The following DPY19L1 variants were observed in gnomAD, a reference collection of about 807,000 sequenced individuals.
DPY19L1 encodes the protein dpy-19 like C-mannosyltransferase 1.
DPY19L1 carries 35 observed loss-of-function variants against 96.9 expected under a neutral mutation model. The ratio of observed to expected loss-of-function variants is 0.36; its 90% confidence interval spans 0.28 to 0.48. DPY19L1 has a LOEUF of 0.48. Ranked by LOEUF, DPY19L1 falls within the 20% of genes least tolerant of loss-of-function variation. The pLI, the probability that DPY19L1 is intolerant of heterozygous loss-of-function variation, is 0.99. For synonymous variants in DPY19L1, 205 were observed against 252.6 expected (o/e 0.81, Z 1.79); for missense variants, 521 against 777.9 (o/e 0.67, Z 3.93).
rs148427603 is a variant in DPY19L1 at position 34,952,465 on chromosome 7, A to G, written c.1320+2233T>C. ...ACTGTTAAATTCTACCAAACATTTA[A>G]GGAAGAGATAATACCAATTCTACAT... On this transcript the variant is annotated intron_variant, in intron 13 of 21. Transcript: ENST00000638088. 1.2e-4 allele frequency among the ~76,000 whole-genome samples: 18 copies of G among 152,320 alleles called. No homozygotes were observed. The East Asian group carries it at 3.5e-3, about 29-fold the overall frequency.
At chr7:34,941,468 CAAA>C (rs1288856766) in intron 18 of DPY19L1, among the ~76,000 whole-genome samples, 3 of 152,060 alleles carry the variant, frequency 2.0e-5, no homozygotes, top group Non-Finnish European at 2.9e-5. Context: ...AATGTCAAAA[CAAA>C]AAAAGTTATT....
rs1478506209 is a variant in DPY19L1, at chr7:34,963,965, A to C, written c.1092+2929T>G. Among the ~76,000 whole-genome samples the C allele has an allele frequency of 2.0e-5, 3 of 152,154 alleles. No homozygotes were observed. In the East Asian group the frequency reaches 5.8e-4, roughly 29 times the overall value. ...AAGAATAAGGACTTTAATGGGTATA[A>C]AGTTTCAGTTTTGCAAGATGAAAAA... On this transcript the variant is annotated intron_variant, in intron 10 of 21. Transcript: ENST00000638088.
chr7:35,003,491 C>T (rs545230362), intron 6 of DPY19L1, among the ~76,000 whole-genome samples: 1 of 152,334 alleles, frequency 6.6e-6, no homozygotes, highest in South Asian at 2.1e-4. Context: ...CAGTTAAAGA[C>T]ACTTATATCA....
At chr7:35,025,827 G>A (rs961041262) in intron 1 of DPY19L1, among the ~76,000 whole-genome samples, 6 of 152,154 alleles carry the variant, frequency 3.9e-5, no homozygotes, top group African/African-American at 7.2e-5. Flanking sequence ...TCCTGGTTTT[G>A]AAGATACCAT....
chr7:35,024,004 T>A (rs1431806098), intron 1 of DPY19L1, among the ~76,000 whole-genome samples: 1 of 151,648 alleles, frequency 6.6e-6, no homozygotes, highest in Non-Finnish European at 1.5e-5. Context: ...CCCGGCTAAT[T>A]TTTTGTATTT....
chr7:35,004,803 A>G (rs1785514084), intron 6 of DPY19L1, among the ~76,000 whole-genome samples: 1 of 152,254 alleles, frequency 6.6e-6, no homozygotes, highest in Non-Finnish European at 1.5e-5. Flanking sequence ...AGTTCCAGTA[A>G]AAGTATTGCA....
At chr7:34,951,665 G>GAA (rs979448306) in intron 13 of DPY19L1, among the ~76,000 whole-genome samples, 26 of 151,734 alleles carry the variant, frequency 1.7e-4, no homozygotes, top group African/African-American at 6.3e-4. Context: ...ACAAAAAGAA[G>GAA]TAAGAATAAG....
At chr7:35,022,206 A>AT (rs554354185) in intron 1 of DPY19L1, among the ~76,000 whole-genome samples, 8 of 152,046 alleles carry the variant, frequency 5.3e-5, no homozygotes, top group Non-Finnish European at 1.0e-4. Context: ...CACATATGCC[A>AT]TTTTTTTTAC....
chr7:35,027,039 AC>A (rs1328209725), intron 1 of DPY19L1, among the ~76,000 whole-genome samples: 1 of 152,102 alleles, frequency 6.6e-6, no homozygotes, highest in African/African-American at 2.4e-5. Flanking sequence ...TACTAAAAAT[AC>A]AAAAAATTTA....
At chr7:34,962,446 A>C (rs1784519531) in intron 10 of DPY19L1, among the ~76,000 whole-genome samples, 3 of 152,190 alleles carry the variant, frequency 2.0e-5, no homozygotes, top group African/African-American at 7.2e-5. Context: ...GTTAGGGGGA[A>C]GGAGGGATGA....
Position 35,013,699 on chromosome 7 carries a change from ATAG to A in DPY19L1, c.415_417del (p.Leu139del). 1 of 1,593,212 alleles carries A rather than the reference ATAG, an allele frequency of 6.3e-7. No homozygotes were observed. Among genetic ancestry groups the A allele is most frequent in the Non-Finnish European group, 8.6e-7 (1 of 1,167,792 alleles). On this transcript the variant is annotated inframe_deletion, in exon 4 of 22. Coordinates refer to ENST00000638088, the MANE Select transcript of DPY19L1 (RefSeq NM_001366673.1). Reference sequence around the variant, plus strand: ...ACAATAGTCTTGAAATAGGAATAATATAGTCCCTGAAATAAAGATATGCTCAAT... The same window carrying A: ...ACAATAGTCTTGAAATAGGAATAATATCCCTGAAATAAAGATATGCTCAAT...
In DPY19L1 at chr7:34,993,440, A is replaced by AT. The variant is rs5883486; in HGVS notation, c.765-3500dup. Among the ~76,000 whole-genome samples the AT allele has an allele frequency of 3.6e-4, 54 of 150,496 alleles. 1 individual carries two copies. The highest frequency in any genetic ancestry group is 1.3e-3 in the South Asian group (6 of 4,772). ...TTTCATTCAACTGACTTAATTCTGT[A>AT]TTTTTTTTTTTGTTATCACACTATT... is the stretch of plus-strand genomic sequence containing the variant. On this transcript the variant is annotated intron_variant, in intron 6 of 21. Transcript: ENST00000638088.
chr7:34,961,823 A>C (rs1039771439), intron 10 of DPY19L1, among the ~76,000 whole-genome samples: 14 of 152,330 alleles, frequency 9.2e-5, no homozygotes, highest in Middle Eastern at 3.4e-3. Context: ...AGATCTTAAT[A>C]GACACTTCAC....
intron 10 of DPY19L1, among the ~76,000 whole-genome samples, chr7:34,964,546 C>A (rs1784570841): frequency 6.6e-6 from 1 of 152,004 alleles, no homozygotes; most frequent in Admixed American, 6.5e-5. Flanking sequence ...TGTGTTTAGC[C>A]CAGAAAAGCA....
intron 1 of DPY19L1, among the ~76,000 whole-genome samples, chr7:35,023,578 C>T (rs1281395204): frequency 6.6e-6 from 1 of 152,184 alleles, no homozygotes; most frequent in Non-Finnish European, 1.5e-5. Flanking sequence ...AGCACCTTCA[C>T]AAACTTGATT....
chr7:34,968,814 TA>T (rs1379133875), intron 9 of DPY19L1, among the ~76,000 whole-genome samples: 2 of 148,830 alleles, frequency 1.3e-5, no homozygotes, highest in Admixed American at 6.7e-5. Context: ...TCAACTGCTT[TA>T]TACAAATATA....
At chr7:34,955,635 T>G (rs929257837) in intron 11 of DPY19L1, among the ~76,000 whole-genome samples, 2 of 152,220 alleles carry the variant, frequency 1.3e-5, no homozygotes, top group African/African-American at 4.8e-5. Flanking sequence ...ATTTGACATA[T>G]CTGATTTATC....
intron 7 of DPY19L1, chr7:34,988,199 G>A (rs1351789417): frequency 1.3e-5 from 2 of 152,076 alleles, no homozygotes; most frequent in Non-Finnish European, 2.9e-5. Flanking sequence ...AGGGTAGCAC[G>A]ATAGACCTTT....
intron 6 of DPY19L1, among the ~76,000 whole-genome samples, chr7:34,993,227 AAC>A (rs1409550264): frequency 1.3e-5 from 2 of 152,168 alleles, no homozygotes; most frequent in African/African-American, 4.8e-5. Context: ...CACACCTTAA[AAC>A]TATAGTCTCC....
Sources: allele counts gnomAD v4.1 joint callset (sites outside exome capture counted in the v4.1 genomes callset), GRCh38; gene constraint gnomAD v4.1.1; transcripts MANE v1.5; gene names NCBI Gene and HGNC (gene_info 2026-07-23, HGNC 2026-07-21).